TNC: variants seen among roughly 807,000 people sequenced by gnomAD.
TNC encodes the protein tenascin C, also known as tenascin.
A neutral mutation model predicts 202.4 loss-of-function variants in TNC; 109 were observed. The ratio of observed to expected loss-of-function variants is 0.54; its 90% CI spans 0.46 to 0.63. TNC has a LOEUF of 0.63. Ranked by LOEUF, TNC falls within the 30% of genes least tolerant of loss-of-function variation. The probability of loss-of-function intolerance (pLI) is 0.00; values close to 1 mark genes in which losing one functional copy is unlikely to be tolerated. For missense variants in TNC, 2,756 were observed against 2,833.3 expected (o/e 0.97, Z 0.62); for synonymous variants, 1,007 against 1,089.7 (o/e 0.92, Z 1.50).
At chr9:115,079,293 G>C (rs1474789807) in intron 6 of TNC, among the ~76,000 whole-genome samples, 2 of 151,700 alleles carry the variant, frequency 1.3e-5, no homozygotes, top group Non-Finnish European at 2.9e-5. Flanking sequence ...CAGGAAGTGG[G>C]CTTTATACAG....
intron 9 of TNC, 98 bp from the exon 10 acceptor site, chr9:115,073,964 T>G: frequency 7.6e-7 from 1 of 1,309,160 alleles, no homozygotes; most frequent in Non-Finnish European, 1.0e-6. Context: ...ATCCTAGGTC[T>G]GCCACAGAGG....
intron 10 of TNC, among the ~76,000 whole-genome samples, chr9:115,073,264 A>G (rs1308138134): frequency 1.3e-5 from 2 of 152,272 alleles, no homozygotes; most frequent in African/African-American, 2.4e-5. Context: ...AAAGAAGGAA[A>G]TAAACAAGAA....
At chr9:115,061,631 T>C (rs1269711434) in intron 13 of TNC, among the ~76,000 whole-genome samples, 1 of 152,226 alleles carries the variant, frequency 6.6e-6, no homozygotes, top group Admixed American at 6.5e-5. Flanking sequence ...ATCTGTTATA[T>C]AAGAGCAAGG....
At chr9:115,061,071 G>T (rs749915621) in intron 13 of TNC, among the ~76,000 whole-genome samples, 1 of 152,214 alleles carries the variant, frequency 6.6e-6, no homozygotes, top group African/African-American at 2.4e-5. Flanking sequence ...GGATGCTTCT[G>T]AGGGTTAAAT....
Position 115,087,080 on chromosome 9 carries a change from G to T in TNC, c.651C>A (p.Ser217Arg), listed in dbSNP as rs781044735. Residue 217 changes from serine (S) to arginine (R), a missense_variant, in exon 3 of 28, where the codon AGC becomes AGA. By Grantham distance (110) the Ser-to-Arg change is moderately radical (BLOSUM62 -1). This residue lies in a region of TNC where 2,559 missense variants were observed against 2,546.0 expected (regional missense o/e 1.01). Coordinates refer to ENST00000350763, the MANE Select transcript of TNC (RefSeq NM_002160.4). ...TGCAGTCGCTGGGGCAAGCCAGCTG[G>T]CTGCAGTCCTCGCCCGTGAAGCCGT... ...CDDGFTGEDC[S>R]QLACPSDCND... 6.2e-7 allele frequency: 1 copy of T among 1,613,956 alleles called. No homozygotes were observed. The highest frequency in any genetic ancestry group is 8.5e-7 in the Non-Finnish European group (1 of 1,179,974).
chr9:115,092,511 T>C (rs1835306636), intron 1 of TNC, among the ~76,000 whole-genome samples: 1 of 152,214 alleles, frequency 6.6e-6, no homozygotes, highest in Non-Finnish European at 1.5e-5. Flanking sequence ...AAGTCATTCA[T>C]GGTTTTCTTT....
intron 23 of TNC, 120 bp downstream of exon 23, chr9:115,031,433 T>C: frequency 8.6e-7 from 1 of 1,163,806 alleles, no homozygotes; most frequent in Non-Finnish European, 1.1e-6. Flanking sequence ...GTAGTAGCAG[T>C]GAATCGATTC....
chr9:115,026,091 T>C (rs937152043), intron 26 of TNC, among the ~76,000 whole-genome samples: 3 of 152,176 alleles, frequency 2.0e-5, no homozygotes, highest in Admixed American at 2.0e-4. Context: ...TTGGAGAAGA[T>C]GCAGAATCTC....
chr9:115,057,384 T>C lies in TNC; in HGVS notation c.4348A>G (p.Thr1450Ala). ...CAGGAGAGATTGAAGCTCTCGGGAG[T>C]TATGTCAGAAACATTTAAGTTTCCA... ...EIGNLNVSDI[T>A]PESFNLSWMA... The change falls in exon 15 of 28, where the codon ACT (threonine) becomes GCT (alanine). Residue 1450 changes from threonine to alanine, a missense_variant. Physicochemically the swap from Thr to Ala is moderately conservative, Grantham distance 58. Coordinates refer to ENST00000350763, the MANE Select transcript of TNC (RefSeq NM_002160.4). 6.2e-7 allele frequency: 1 copy of C among 1,613,324 alleles called. No homozygotes were observed. The highest frequency in any genetic ancestry group is 8.5e-7 in the Non-Finnish European group (1 of 1,179,960).
chr9:115,059,851 C>T lies in TNC; in HGVS notation c.4185G>A (p.Leu1395=). Residue 1395 remains leucine (L), a synonymous_variant, in exon 14 of 28, where the codon TTG becomes TTA. Transcript: ENST00000350763. Reference sequence around the variant, plus strand: ...TGTCCACAGCCCTGAGGCTGCCAGGCAACGTGAGGTTCTGGGCTGCCTCCA... The same window carrying T: ...TGTCCACAGCCCTGAGGCTGCCAGGTAACGTGAGGTTCTGGGCTGCCTCCA... ...NKVEAAQNLT[L]PGSLRAVDIP... The T allele has an allele frequency of 6.2e-7, 1 of 1,614,086 alleles. No individual in the cohort carries two copies. Among genetic ancestry groups the T allele is most frequent in the South Asian group, 1.1e-5 (1 of 91,088 alleles).
chr9:115,099,015 G>A (rs1025518168), intron 1 of TNC, among the ~76,000 whole-genome samples: 1 of 136,014 alleles, frequency 7.4e-6, no homozygotes, highest in Non-Finnish European at 1.5e-5. Flanking sequence ...TGTCATAAAA[G>A]AATTGAGAAA....
intron 15 of TNC, chr9:115,052,741 T>C: frequency 1.4e-6 from 1 of 701,760 alleles, no homozygotes; most frequent in Non-Finnish European, 2.6e-6. Flanking sequence ...ATTGAGTACC[T>C]GTAATGACAA....
In TNC at chr9:115,063,996, G is replaced by A. The variant is rs917581345; in HGVS notation, c.3560C>T (p.Ala1187Val). The A allele has an allele frequency of 1.1e-5, 17 of 1,613,984 alleles. No individual in the cohort carries two copies. Among genetic ancestry groups the A allele is most frequent in the African/African-American group, 1.3e-5 (1 of 74,918 alleles). Residue 1187 changes from alanine (A) to valine (V), a missense_variant, in exon 12 of 28, where the codon GCT becomes GTT. This residue lies in a region of TNC where 2,559 missense variants were observed against 2,546.0 expected (regional missense o/e 1.01). Coordinates refer to ENST00000350763, the MANE Select transcript of TNC (RefSeq NM_002160.4). Reference protein sequence around the residue: ...GWDALKLNWTAPEGAYEYFFI... With the variant: ...GWDALKLNWTVPEGAYEYFFI... ...AAAGTACTCATAGGCCCCTTCTGGA[G>A]CAGTCCAGTTGAGTTTGAGGGCATC...
chr9:115,023,312 T>G (rs1829228815), intron 27 of TNC, among the ~76,000 whole-genome samples: 1 of 152,198 alleles, frequency 6.6e-6, no homozygotes, highest in African/African-American at 2.4e-5. Flanking sequence ...CACACAGCTT[T>G]ACACTTTTCA....
intron 1 of TNC, among the ~76,000 whole-genome samples, chr9:115,094,974 T>C (rs1205060102): frequency 6.6e-6 from 1 of 152,018 alleles, no homozygotes; most frequent in African/African-American, 2.4e-5. Context: ...TGGTACCCAA[T>C]AGAAAGGTCT....
chr9:115,089,407 A>G (rs1240187771), intron 2 of TNC, among the ~76,000 whole-genome samples: 1 of 152,178 alleles, frequency 6.6e-6, no homozygotes, highest in Admixed American at 6.5e-5. Context: ...TTGAAATAGG[A>G]TGCATGTGGA....
intron 19 of TNC, among the ~76,000 whole-genome samples, chr9:115,039,720 C>T (rs553887661): frequency 6.6e-6 from 1 of 152,352 alleles, no homozygotes; most frequent in Admixed American, 6.5e-5. Context: ...CTGGGGAGCC[C>T]ACATTGTCCA....
intron 1 of TNC, among the ~76,000 whole-genome samples, chr9:115,106,411 TACTA>T (rs1180426948): frequency 3.9e-5 from 6 of 152,232 alleles, no homozygotes; most frequent in Non-Finnish European, 5.9e-5. Flanking sequence ...AATATTTATC[TACTA>T]ACTATCAGAG....
chr9:115,087,233 G>T lies in TNC; in HGVS notation c.498C>A (p.Asn166Lys), dbSNP rs1484018579. 1.2e-6 allele frequency: 2 copies of T among 1,614,184 alleles called. No individual in the cohort carries two copies. The highest frequency in any genetic ancestry group is 1.1e-5 in the South Asian group (1 of 91,088). The change falls in exon 3 of 28, where the codon AAC (asparagine) becomes AAA (lysine). Residue 166 changes from asparagine (N) to lysine (K), a missense_variant. This residue lies in a region of TNC where 2,559 missense variants were observed against 2,546.0 expected (regional missense o/e 1.01). Transcript: ENST00000350763. The stretch of plus-strand genomic sequence containing the variant: ...CACAGCCACATCCTTCAGTGCTGAA[G>T]TTGCCCCGACCGCTACAGAAGGGCC... ...DTRPFCSGRG[N>K]FSTEGCGCVC...
Sources: gnomAD v4.1 joint callset for allele counts (sites outside exome capture counted in the v4.1 genomes callset) on GRCh38, gnomAD v4.1.1 for gene constraint, gnomAD v4.1.1 regional missense constraint, MANE v1.5 for transcripts, NCBI Gene and HGNC (gene_info 2026-07-23, HGNC 2026-07-21) for gene names.